Variants in CDHR1 observed in about 807,000 individuals in gnomAD.
CDHR1 encodes the protein cadherin related family member 1.
A neutral mutation model predicts 72.1 loss-of-function variants in CDHR1; 61 were observed. The observed-to-expected ratio is 0.85, with a 90% CI of 0.69 to 1.05. The LOEUF (loss-of-function observed/expected upper bound fraction) is 1.05. CDHR1 is among the 50% of genes least tolerant of loss of function. The pLI is 0.00. For missense variants in CDHR1, 1,186 were observed against 1,115.7 expected, an observed-to-expected ratio of 1.06 and a Z score of -0.90; for synonymous variants, 470 against 448.1, an observed-to-expected ratio of 1.05 and a Z score of -0.62.
chr10:84,198,415 C>A (rs889367233), intron 4 of CDHR1, among the ~76,000 whole-genome samples: 18 of 152,350 alleles, frequency 1.2e-4, no homozygotes, highest in Admixed American at 3.3e-4. Context: ...GCCTCACTGC[C>A]TTTTCTCTCA....
In CDHR1 at chr10:84,196,541, A is replaced by C; in HGVS notation, c.188A>C (p.Glu63Ala). The change falls in exon 3 of 17, where the codon GAG becomes GCG. Residue 63 changes from glutamate (E) to alanine (A), a missense_variant. By Grantham distance (107) the Glu-to-Ala change is moderately radical. Coordinates refer to ENST00000623527, the MANE Select transcript of CDHR1 (RefSeq NM_033100.4). ...HVYTLNGTDP[E>A]GDPISYHISF... ...TACACCCTGAATGGGACAGACCCTG[A>C]GGGAGACCCCATCTCCTACCACATC... is the stretch of plus-strand genomic sequence containing the variant. The C allele has an allele frequency of 6.2e-7, 1 of 1,614,186 alleles. No individual in the cohort carries two copies. Among genetic ancestry groups the C allele is most frequent in the Admixed American group, 1.7e-5 (1 of 60,028 alleles).
At position 84,215,319 on chromosome 10, in the gene CDHR1, A is replaced by T; in HGVS notation, c.*698A>T. ...TTGATCTTGCCAAGAGTGAGGGCAG[A>T]TGTCTCCAGCCAGGACTGCCCTGAG... is the stretch of plus-strand genomic sequence containing the variant. On this transcript the variant is annotated 3_prime_UTR_variant, in exon 17 of 17. Coordinates refer to ENST00000623527, the MANE Select transcript of CDHR1 (RefSeq NM_033100.4). The T allele has an allele frequency of 1.0e-6, 1 of 986,874 alleles. No individual in the cohort carries two copies. Among genetic ancestry groups the T allele is most frequent in the South Asian group, 4.7e-5 (1 of 21,344 alleles). 61.1% of individuals were successfully genotyped at this position (986,874 alleles called of 1,614,324 possible).
chr10:84,199,298 A>G (rs1190141074), intron 5 of CDHR1, among the ~76,000 whole-genome samples, 177 bp downstream of exon 5: 1 of 152,218 alleles, frequency 6.6e-6, no homozygotes, highest in Non-Finnish European at 1.5e-5. Flanking sequence ...TTTTTCCATT[A>G]TACATGTTCA....
At chr10:84,203,503 C>T (rs1842169494) in intron 8 of CDHR1, among the ~76,000 whole-genome samples, 1 of 152,140 alleles carries the variant, frequency 6.6e-6, no homozygotes, top group African/African-American at 2.4e-5. Flanking sequence ...CAACCTCTAC[C>T]TCCTGGGTTC....
Position 84,208,258 on chromosome 10 carries a change from C to A in CDHR1, c.1048C>A (p.Pro350Thr). 1 of 1,614,136 alleles carries A rather than the reference C, an allele frequency of 6.2e-7. No homozygotes were observed. The highest frequency in any genetic ancestry group is 8.5e-7 in the Non-Finnish European group (1 of 1,180,032). The change falls in exon 11 of 17, where the codon CCG becomes ACG. Residue 350 changes from proline to threonine, a missense_variant. Physicochemically the swap from Pro to Thr is conservative, Grantham distance 38 (BLOSUM62 -1). Coordinates refer to ENST00000623527, the MANE Select transcript of CDHR1 (RefSeq NM_033100.4). ...CAGGATTGTGGACCTCAACAACCACCCGCCAACATTCTATGGAGAGAGCGG... is the reference window on the plus strand; with the variant it reads ...CAGGATTGTGGACCTCAACAACCACACGCCAACATTCTATGGAGAGAGCGG... ...TIRIVDLNNH[P>T]PTFYGESGPQ...
At chr10:84,218,966 G>GA (rs1364721326), downstream of CDHR1, 76 of 562,418 alleles carry the variant, frequency 1.4e-4, no homozygotes, top group Non-Finnish European at 2.0e-4. Flanking sequence ...AACTTTGTAT[G>GA]TTAAAAAAAA....
chr10:84,214,680 C>A lies in CDHR1; in HGVS notation c.*59C>A, dbSNP rs573699308. On this transcript the variant is annotated 3_prime_UTR_variant, in exon 17 of 17. Transcript: ENST00000623527. The stretch of plus-strand genomic sequence containing the variant: ...CCCTGACCCCCACCACCCTGCTGCT[C>A]GGACTATGCTCCCCTTCCTCTGCTC... 1.9e-6 allele frequency: 3 copies of A among 1,596,538 alleles called. No individual in the cohort carries two copies. Among genetic ancestry groups the A allele is most frequent in the East Asian group, 2.2e-5 (1 of 44,828 alleles).
intron 14 of CDHR1, 29 bp from the exon 15 acceptor site, chr10:84,212,150 C>T (rs1263474168): frequency 1.3e-6 from 2 of 1,567,822 alleles, no homozygotes; most frequent in East Asian, 2.2e-5. Context: ...TATGCGTGCA[C>T]ACCCATGCCT....
intron 2 of CDHR1, 80 bp from the exon 3 acceptor site, chr10:84,196,425 A>G: frequency 6.8e-7 from 1 of 1,475,570 alleles, no homozygotes; most frequent in Non-Finnish European, 9.5e-7. Context: ...AAACAGCTGA[A>G]TCGTTGGTCC....
intron 2 of CDHR1, 96 bp from the exon 3 acceptor site, chr10:84,196,409 C>T: frequency 7.2e-7 from 1 of 1,389,398 alleles, no homozygotes; most frequent in Non-Finnish European, 1.0e-6. Context: ...TGAATAGTCA[C>T]TTTATAAACA....
In CDHR1 at chr10:84,214,769, C is replaced by A; in HGVS notation, c.*148C>A. 6.4e-7 allele frequency: 1 copy of A among 1,559,114 alleles called. No individual in the cohort carries two copies. Among genetic ancestry groups the A allele is most frequent in the Non-Finnish European group, 8.6e-7 (1 of 1,160,044 alleles). On this transcript the variant is annotated 3_prime_UTR_variant, in exon 17 of 17. Coordinates refer to ENST00000623527, the MANE Select transcript of CDHR1 (RefSeq NM_033100.4). Reference sequence around the variant, plus strand: ...TCCCCACTGTCCTCATCTCTACCGCCACCTTCTGGCGCAACAAGAAGTTGC... The same window carrying A: ...TCCCCACTGTCCTCATCTCTACCGCAACCTTCTGGCGCAACAAGAAGTTGC...
At position 84,212,331 on chromosome 10, in the gene CDHR1, T is replaced by A. The variant is rs2132831298; in HGVS notation, c.1706T>A (p.Val569Asp). Residue 569 changes from valine (V) to aspartate (D), a missense_variant, in exon 15 of 17, where the codon GTC becomes GAC. By Grantham distance (152) the Val-to-Asp change is radical (BLOSUM62 -3). Transcript: ENST00000623527. ...VAEVFITLLD[V>D]NDHPPQFGKS... ...GAGGTGTTTATCACACTGCTGGATG[T>A]CAATGACCACCCCCCTCAGTTTGGA... is the stretch of plus-strand genomic sequence containing the variant. 2.5e-6 allele frequency: 4 copies of A among 1,614,192 alleles called. No individual in the cohort carries two copies. The highest frequency in any genetic ancestry group is 3.4e-6 in the Non-Finnish European group (4 of 1,180,028).
At position 84,216,931 on chromosome 10, in the gene CDHR1, C is replaced by T; in HGVS notation, c.*2310C>T. The T allele has an allele frequency of 5.1e-6, 5 of 985,490 alleles. No homozygotes were observed. Among genetic ancestry groups the T allele is most frequent in the Non-Finnish European group, 6.0e-6 (5 of 829,958 alleles). The allele number at this position is 985,490 out of a possible 1,614,324, so 61.0% of individuals were successfully genotyped here. On this transcript the variant is annotated 3_prime_UTR_variant, in exon 17 of 17. Coordinates refer to ENST00000623527, the MANE Select transcript of CDHR1 (RefSeq NM_033100.4). ...TCTCTCAGACAGGCGTCCTAAAGAC[C>T]TCTAGGCTGGAAGCTTGGGCTTGCA...
downstream of CDHR1, chr10:84,219,471 T>G: frequency 1.1e-6 from 1 of 926,988 alleles, no homozygotes; most frequent in Non-Finnish European, 1.5e-6. Context: ...CTTCTTTTGC[T>G]TGGCTTGAAG....
chr10:84,207,830 C>T (rs1842254406), intron 10 of CDHR1, among the ~76,000 whole-genome samples: 1 of 152,082 alleles, frequency 6.6e-6, no homozygotes, highest in Non-Finnish European at 1.5e-5. Flanking sequence ...CCATGCCCAC[C>T]CAATTATTGG....
intron 4 of CDHR1, 133 bp downstream of exon 4, chr10:84,197,969 G>T (rs1351301065): frequency 1.2e-6 from 1 of 808,000 alleles, no homozygotes. Flanking sequence ...AGCAAGACCT[G>T]CCCAAAGTGC....
intron 9 of CDHR1, 92 bp downstream of exon 9, chr10:84,204,697 C>T: frequency 2.4e-6 from 2 of 847,006 alleles, no homozygotes; most frequent in Non-Finnish European, 4.1e-6. Flanking sequence ...GCTCCCTCAC[C>T]TGTAGGACCA....
downstream of CDHR1, chr10:84,219,132 A>G: frequency 6.7e-7 from 1 of 1,499,038 alleles, no homozygotes; most frequent in Non-Finnish European, 9.1e-7. Context: ...CAACAAAGTC[A>G]GTAAGAAAAC....
Position 84,194,756 on chromosome 10 carries a change from G to T in CDHR1, c.-5G>T. On this transcript the variant is annotated 5_prime_UTR_variant, in exon 1 of 17. The change creates a premature stop within an existing upstream ORF in the 5' untranslated region. Transcript: ENST00000623527. ...CGGCAGGCGACACTCCGCGCCGGCGGAGACATGAGGCGCTGCCGGTGGGCC... is the reference window on the plus strand; with the variant it reads ...CGGCAGGCGACACTCCGCGCCGGCGTAGACATGAGGCGCTGCCGGTGGGCC... The T allele has an allele frequency of 6.6e-7, 1 of 1,505,356 alleles. No individual in the cohort carries two copies. Among genetic ancestry groups the T allele is most frequent in the South Asian group, 1.2e-5 (1 of 81,072 alleles). The allele number at this position is 1,505,356 out of a possible 1,614,324, so 93.2% of individuals were successfully genotyped here. A position where few individuals can be genotyped will look rare whatever the true frequency, so the allele number is the denominator to read the frequency against.
Sources: gnomAD v4.1 joint callset for allele counts (sites outside exome capture counted in the v4.1 genomes callset) on GRCh38, gnomAD v4.1.1 for gene constraint, MANE v1.5 for transcripts, NCBI Gene and HGNC (gene_info 2026-07-23, HGNC 2026-07-21) for gene names.